FRMD4A: variants seen among roughly 807,000 people sequenced by gnomAD.
FRMD4A encodes the protein FERM domain-containing protein 4A.
A neutral mutation model predicts 129.1 loss-of-function variants in FRMD4A; 29 were observed. That is an observed-to-expected ratio of 0.22 (90% CI 0.17 to 0.31). FRMD4A has a LOEUF of 0.31. FRMD4A is among the 10% of genes least tolerant of loss of function. FRMD4A has a pLI of 1.00. For missense variants in FRMD4A, 1,272 were observed against 1,375.8 expected (o/e 0.92, Z 1.19); for synonymous variants, 634 against 571.6 (o/e 1.11, Z -1.56).
intron 9 of FRMD4A, among the ~76,000 whole-genome samples, chr10:13,747,455 T>C (rs1461481007): frequency 6.7e-6 from 1 of 150,282 alleles, no homozygotes; most frequent in Non-Finnish European, 1.5e-5. Context: ...GAGAATCGCT[T>C]GAGGCAGAAG....
chr10:14,329,961 A>G (rs906582538), intron 2 of FRMD4A, 97 bp downstream of exon 2: 8 of 1,132,316 alleles, frequency 7.1e-6, no homozygotes, highest in Non-Finnish European at 1.0e-5. Context: ...GCAATGTTGA[A>G]CATGTCTGCA....
intron 5 of FRMD4A, among the ~76,000 whole-genome samples, chr10:13,791,212 T>C (rs903456323): frequency 1.3e-5 from 2 of 152,122 alleles, no homozygotes; most frequent in Non-Finnish European, 2.9e-5. Context: ...AGCAAAAGCC[T>C]TGAGTATCTG....
chr10:14,114,569 G>A (rs1360246463), intron 2 of FRMD4A, among the ~76,000 whole-genome samples: 1 of 152,180 alleles, frequency 6.6e-6, no homozygotes, highest in Non-Finnish European at 1.5e-5. Flanking sequence ...GAGCAGAAAG[G>A]AATGACCACT....
At chr10:13,740,479 TG>T (rs1160701399) in intron 10 of FRMD4A, 32 bp downstream of exon 10, 15 of 1,263,948 alleles carry the variant, frequency 1.2e-5, no homozygotes, top group Non-Finnish European at 1.6e-5. Context: ...ACACAAACAC[TG>T]TCCCCATGTG....
At chr10:13,787,202 C>T (rs1466804119) in intron 5 of FRMD4A, among the ~76,000 whole-genome samples, 1 of 152,230 alleles carries the variant, frequency 6.6e-6, no homozygotes, top group East Asian at 1.9e-4. Context: ...ACTTTTATCA[C>T]CAAGACGACA....
chr10:14,263,747 G>A (rs139072828), intron 2 of FRMD4A, among the ~76,000 whole-genome samples: 1 of 152,232 alleles, frequency 6.6e-6, no homozygotes, highest in Non-Finnish European at 1.5e-5. Context: ...GAGGCCCCTG[G>A]AGTCGCCAGA....
At chr10:14,199,108 T>C (rs970656016) in intron 2 of FRMD4A, among the ~76,000 whole-genome samples, 2 of 152,122 alleles carry the variant, frequency 1.3e-5, no homozygotes, top group African/African-American at 4.8e-5. Context: ...AAAAGCAAAG[T>C]AATTTAATTT....
Position 13,657,302 on chromosome 10 carries a change from G to A in FRMD4A, c.2287C>T (p.Gln763Ter). The change falls in exon 22 of 25, where the codon CAG becomes TAG. Residue 763 changes from glutamine (Q) to a stop codon, truncating the protein, a stop_gained. Transcript: ENST00000357447. LOFTEE classifies it high-confidence loss of function. ...HSSSEHYYPAQMNANYSTLAE... is the reference protein window; with the variant it reads ...HSSSEHYYPA ...AGCGTGGAGTAGTTGGCGTTCATCT[G>A]CGCCGGGTAGTAGTGCTCCGAGCTC... The A allele has an allele frequency of 6.2e-7, 1 of 1,610,570 alleles. No homozygotes were observed. The highest frequency in any genetic ancestry group is 8.5e-7 in the Non-Finnish European group (1 of 1,179,544).
At chr10:13,879,155 T>C (rs1198047618) in intron 2 of FRMD4A, among the ~76,000 whole-genome samples, 7 of 152,092 alleles carry the variant, frequency 4.6e-5, no homozygotes, top group Non-Finnish European at 1.0e-4. Context: ...ATTTAGCACT[T>C]TGTGAGGCCA....
At chr10:14,142,907 C>G (rs1406456948) in intron 2 of FRMD4A, among the ~76,000 whole-genome samples, 1 of 152,138 alleles carries the variant, frequency 6.6e-6, no homozygotes, top group Non-Finnish European at 1.5e-5. Flanking sequence ...TGCTCAACAT[C>G]ACTAATCATT....
In FRMD4A at chr10:14,325,889, T is replaced by C. The variant is rs529688966; in HGVS notation, c.45+4169A>G. ...AAACATAGACAAGGGAGCTGGTCTA[T>C]TCAAAAGAAGCCCAGAAATCTGAAA... On this transcript the variant is annotated intron_variant, in intron 2 of 24. Transcript: ENST00000357447. Among the ~76,000 whole-genome samples the C allele has an allele frequency of 1.4e-4, 22 of 152,346 alleles. No homozygotes were observed. In the South Asian group the frequency reaches 4.6e-3, roughly 32 times the overall value.
chr10:13,782,422 CATT>C (rs34523427), intron 6 of FRMD4A, among the ~76,000 whole-genome samples: 110,635 of 146,238 alleles, frequency 0.76, 42,320 homozygotes, highest in East Asian at 0.95. Flanking sequence ...AAAGGAATCA[CATT>C]ATTATTATTA....
At chr10:13,982,826 T>G (rs2131407338) in intron 2 of FRMD4A, among the ~76,000 whole-genome samples, 1 of 152,362 alleles carries the variant, frequency 6.6e-6, no homozygotes, top group African/African-American at 2.4e-5. Context: ...CCTCTATGAA[T>G]GTACTGATTT....
At chr10:13,934,469 CTTT>C (rs75727770) in intron 2 of FRMD4A, among the ~76,000 whole-genome samples, 24,644 of 147,946 alleles carry the variant, frequency 0.17, 2,186 homozygotes, top group Non-Finnish European at 0.2. Context: ...CATTTTAAAA[CTTT>C]TTTTTTTTTT....
intron 2 of FRMD4A, among the ~76,000 whole-genome samples, chr10:13,935,193 C>G (rs927234635): frequency 1.3e-5 from 2 of 152,048 alleles, no homozygotes; most frequent in Non-Finnish European, 2.9e-5. Flanking sequence ...AATCCCAGCA[C>G]TTTGGTAGGC....
intron 16 of FRMD4A, among the ~76,000 whole-genome samples, chr10:13,672,173 G>A (rs554182618): frequency 1.3e-5 from 2 of 152,256 alleles, no homozygotes; most frequent in East Asian, 1.9e-4. Context: ...CTTCTCCCTC[G>A]CTGTGTTCAG....
At chr10:14,036,792 G>T (rs1371008214) in intron 2 of FRMD4A, among the ~76,000 whole-genome samples, 5 of 152,016 alleles carry the variant, frequency 3.3e-5, no homozygotes, top group African/African-American at 1.2e-4. Context: ...CGCCAGGTTG[G>T]CCAGACTGGT....
chr10:13,755,634 G>C (rs1439534635), intron 8 of FRMD4A, among the ~76,000 whole-genome samples: 1 of 152,178 alleles, frequency 6.6e-6, no homozygotes, highest in East Asian at 1.9e-4. Context: ...GCTACTATTT[G>C]TTTCCATTGA....
intron 4 of FRMD4A, among the ~76,000 whole-genome samples, chr10:13,804,555 T>TTTC (rs2093325125): frequency 7.8e-6 from 1 of 128,394 alleles, no homozygotes; most frequent in Non-Finnish European, 1.6e-5. Flanking sequence ...TTATTTCTTT[T>TTTC]TTTTGTTGAG....
Sources: gnomAD v4.1 joint callset for allele counts (sites outside exome capture counted in the v4.1 genomes callset) on GRCh38, gnomAD v4.1.1 for gene constraint, MANE v1.5 for transcripts, NCBI Gene and HGNC (gene_info 2026-07-23, HGNC 2026-07-21) for gene names.